Variants in F2R observed in about 807,000 individuals in gnomAD.
F2R encodes the protein coagulation factor II thrombin receptor.
F2R carries 12 observed loss-of-function variants against 18.3 expected under a neutral mutation model. That is an observed-to-expected ratio of 0.66 (90% CI 0.42 to 1.06). The LOEUF is 1.06. Ranked by LOEUF, F2R falls within the 50% of genes least tolerant of loss-of-function variation. F2R has a pLI of 0.00. For missense variants in F2R, 438 were observed against 530.8 expected, an observed-to-expected ratio of 0.83 and a Z score of 1.72; for synonymous variants, 210 against 219.9, an observed-to-expected ratio of 0.95 and a Z score of 0.40.
intron 1 of F2R, among the ~76,000 whole-genome samples, chr5:76,720,284 A>G (rs1748423532): frequency 6.6e-6 from 1 of 151,974 alleles, no homozygotes; most frequent in Non-Finnish European, 1.5e-5. Flanking sequence ...AAAAAAAATA[A>G]TTAAAAAGTA....
At chr5:76,722,083 G>A (rs1167947033) in intron 1 of F2R, among the ~76,000 whole-genome samples, 1 of 152,136 alleles carries the variant, frequency 6.6e-6, no homozygotes, top group East Asian at 1.9e-4. Flanking sequence ...ATCATGTCTA[G>A]AACCTAATTT....
chr5:76,717,735 G>C (rs1159057238), intron 1 of F2R, among the ~76,000 whole-genome samples: 1 of 152,160 alleles, frequency 6.6e-6, no homozygotes, highest in Non-Finnish European at 1.5e-5. Context: ...TGTAGTTTGA[G>C]GACACGCTCT....
intron 1 of F2R, among the ~76,000 whole-genome samples, chr5:76,730,597 C>T (rs1465852058): frequency 6.6e-6 from 1 of 152,224 alleles, no homozygotes; most frequent in Non-Finnish European, 1.5e-5. Flanking sequence ...CCAGTGGACA[C>T]CAGCTGGGTA....
At chr5:76,729,188 G>C (rs1748626250) in intron 1 of F2R, among the ~76,000 whole-genome samples, 1 of 152,108 alleles carries the variant, frequency 6.6e-6, no homozygotes, top group Non-Finnish European at 1.5e-5. Flanking sequence ...TCATCTTTTT[G>C]ATAATATCCA....
In F2R at chr5:76,733,102, A is replaced by G; in HGVS notation, c.877A>G (p.Ile293Val). 12 of 1,614,132 alleles carry G rather than the reference A, an allele frequency of 7.4e-6. No individual in the cohort carries two copies. Among genetic ancestry groups the G allele is most frequent in the Admixed American group, 3.3e-5 (2 of 60,006 alleles). ...LIISTVCYVSIIRCLSSSAVA... is the reference protein window; with the variant it reads ...LIISTVCYVSVIRCLSSSAVA... ...CATTTCCACGGTCTGTTATGTGTCT[A>G]TCATTCGATGTCTTAGCTCTTCCGC... The change falls in exon 2 of 2, where the codon ATC becomes GTC. Residue 293 changes from isoleucine to valine, a missense_variant. Physicochemically the swap from Ile to Val is conservative, Grantham distance 29. Transcript: ENST00000319211.
At chr5:76,719,458 G>A (rs1748406104) in intron 1 of F2R, among the ~76,000 whole-genome samples, 1 of 152,188 alleles carries the variant, frequency 6.6e-6, no homozygotes, top group African/African-American at 2.4e-5. Context: ...GTATGGTGGT[G>A]CACACCTGTA....
At chr5:76,716,654 G>A (rs1370053294) in intron 1 of F2R, 4 of 747,124 alleles carry the variant, frequency 5.4e-6, no homozygotes, top group East Asian at 2.5e-5. Flanking sequence ...TATGGAGGAG[G>A]ATGGAGCGGA....
At chr5:76,718,196 G>A (rs2227821) in intron 1 of F2R, among the ~76,000 whole-genome samples, 3,185 of 152,256 alleles carry the variant, frequency 0.021, 55 homozygotes, top group Non-Finnish European at 0.034. Context: ...CAGAGACAGC[G>A]GCTAAGCAAG....
At chr5:76,716,452 G>A (rs1748344480) in intron 1 of F2R, 57 bp downstream of exon 1, 1 of 1,321,152 alleles carries the variant, frequency 7.6e-7, no homozygotes, top group Admixed American at 3.4e-5. Context: ...GGGAGACTGC[G>A]GGGGTCACTG....
chr5:76,719,349 G>A (rs1024684902), intron 1 of F2R, among the ~76,000 whole-genome samples: 1 of 152,198 alleles, frequency 6.6e-6, no homozygotes, highest in African/African-American at 2.4e-5. Flanking sequence ...CAGCACTTTG[G>A]GAGGCCAAAG....
At chr5:76,716,553 G>T in intron 1 of F2R, 158 bp downstream of exon 1, 1 of 730,816 alleles carries the variant, frequency 1.4e-6, no homozygotes, top group Non-Finnish European at 2.2e-6. Context: ...GTCACGTTTA[G>T]GTGGGGCGTG....
intron 1 of F2R, among the ~76,000 whole-genome samples, chr5:76,727,765 T>TC (rs1210271137): frequency 2.0e-5 from 3 of 147,670 alleles, no homozygotes; most frequent in African/African-American, 7.4e-5. Context: ...ATATTTTTCT[T>TC]TTTTTTTTTT....
At chr5:76,732,119 CA>C (rs538977934) in intron 1 of F2R, among the ~76,000 whole-genome samples, 194 bp from the exon 2 acceptor site, 196 of 152,222 alleles carry the variant, frequency 1.3e-3, no homozygotes, top group African/African-American at 4.4e-3. Flanking sequence ...TTGCTTATAT[CA>C]AGACAAATGT....
In F2R at chr5:76,732,753, C is replaced by T. The variant is rs1310244600; in HGVS notation, c.528C>T (p.Arg176=). The stretch of plus-strand genomic sequence containing the variant: ...GGCAGTTTGGGTCTGAATTGTGTCG[C>T]TTCGTCACTGCAGCATTTTACTGTA... ...SDWQFGSELC[R]FVTAAFYCNM... The change falls in exon 2 of 2, where the codon CGC becomes CGT. Residue 176 remains arginine (R), a synonymous_variant. Coordinates refer to ENST00000319211, the MANE Select transcript of F2R (RefSeq NM_001992.5). 6.2e-7 allele frequency: 1 copy of T among 1,614,180 alleles called. No homozygotes were observed. Among genetic ancestry groups the T allele is most frequent in the Non-Finnish European group, 8.5e-7 (1 of 1,180,042 alleles).
chr5:76,719,499 G>A (rs1748406812), intron 1 of F2R, among the ~76,000 whole-genome samples: 1 of 152,066 alleles, frequency 6.6e-6, no homozygotes, highest in African/African-American at 2.4e-5. Flanking sequence ...TGAGGCACCA[G>A]AATTGCCTGA....
intron 1 of F2R, among the ~76,000 whole-genome samples, chr5:76,723,167 C>T (rs1748498372): frequency 6.6e-6 from 1 of 152,138 alleles, no homozygotes; most frequent in Non-Finnish European, 1.5e-5. Flanking sequence ...AGTAGGACTC[C>T]AGAATTCCCA....
chr5:76,725,078 C>A (rs1325517502), intron 1 of F2R, among the ~76,000 whole-genome samples: 1 of 152,182 alleles, frequency 6.6e-6, no homozygotes, highest in Admixed American at 6.5e-5. Context: ...TCTGAAAAAG[C>A]ATGAGCCCCG....
intron 1 of F2R, among the ~76,000 whole-genome samples, chr5:76,731,291 A>G (rs1022345967): frequency 1.3e-5 from 2 of 152,256 alleles, no homozygotes; most frequent in African/African-American, 2.4e-5. Flanking sequence ...CCTGAATCCC[A>G]TTATTAATTT....
intron 1 of F2R, among the ~76,000 whole-genome samples, chr5:76,720,871 A>G (rs1361218129): frequency 6.6e-6 from 1 of 152,170 alleles, no homozygotes; most frequent in Non-Finnish European, 1.5e-5. Context: ...GCAGAGGCAC[A>G]AATTTGGCTC....
Sources: allele counts gnomAD v4.1 joint callset (sites outside exome capture counted in the v4.1 genomes callset), GRCh38; gene constraint gnomAD v4.1.1; transcripts MANE v1.5; gene names NCBI Gene and HGNC (gene_info 2026-07-23, HGNC 2026-07-21).